SCP2: variants seen among roughly 807,000 people sequenced by gnomAD.
SCP2 encodes sterol carrier protein 2.
A neutral mutation model predicts 71.4 loss-of-function variants in SCP2; 48 were observed. The ratio of observed to expected loss-of-function variants is 0.67; its 90% CI spans 0.53 to 0.86. The LOEUF is 0.86. Ranked by LOEUF, SCP2 falls within the 40% of genes least tolerant of loss-of-function variation. The pLI is 0.00. For missense variants in SCP2, 560 were observed against 655.6 expected (o/e 0.85, Z 1.59); for synonymous variants, 220 against 218.1 (o/e 1.01, Z -0.08).
chr1:52,971,421 A>G (rs1657485809), intron 6 of SCP2, among the ~76,000 whole-genome samples: 1 of 152,234 alleles, frequency 6.6e-6, no homozygotes, highest in Non-Finnish European at 1.5e-5. Flanking sequence ...TTGAAATATA[A>G]ATGTACACTA....
chr1:53,033,249 G>A (rs866687893), intron 13 of SCP2, among the ~76,000 whole-genome samples: 2 of 152,150 alleles, frequency 1.3e-5, no homozygotes, highest in Non-Finnish European at 2.9e-5. Context: ...AAAATATTTA[G>A]TCCTAAGACC....
intron 12 of SCP2, among the ~76,000 whole-genome samples, chr1:53,023,695 G>A (rs1480671210): frequency 2.0e-5 from 3 of 152,130 alleles, no homozygotes; most frequent in Non-Finnish European, 4.4e-5. Context: ...CTGGACCCAG[G>A]GAGCAGCAGT....
intron 2 of SCP2, among the ~76,000 whole-genome samples, chr1:52,947,241 T>TAAAA (rs34249724): frequency 1.1e-4 from 6 of 54,404 alleles, no homozygotes; most frequent in Non-Finnish European, 1.7e-4. Flanking sequence ...ATGTTGTCCT[T>TAAAA]AAAAAAAAAA....
Position 52,988,085 on chromosome 1 carries a change from A to T in SCP2, c.1030A>T (p.Ile344Leu), listed in dbSNP as rs1245128841. 6.2e-7 allele frequency: 1 copy of T among 1,609,020 alleles called. No individual in the cohort carries two copies. Among genetic ancestry groups the T allele is most frequent in the South Asian group, 1.1e-5 (1 of 90,960 alleles). ...TAATACATATGGAGGAAAGTGGGTC[A>T]TAAATCCTAGTGGTGGACTGATTTC... ...GDNTYGGKWVINPSGGLISKG... is the reference protein window; with the variant it reads ...GDNTYGGKWVLNPSGGLISKG... The change falls in exon 11 of 16, where the codon ATA becomes TTA. Residue 344 changes from isoleucine (I) to leucine (L), a missense_variant. Coordinates refer to ENST00000371514, the MANE Select transcript of SCP2 (RefSeq NM_002979.5).
At chr1:52,965,915 G>C (rs914383000) in intron 6 of SCP2, among the ~76,000 whole-genome samples, 1 of 151,862 alleles carries the variant, frequency 6.6e-6, no homozygotes, top group Non-Finnish European at 1.5e-5. Flanking sequence ...CGAAGTGCTG[G>C]GATTACAGGT....
At chr1:53,021,377 C>T (rs567239113) in intron 12 of SCP2, among the ~76,000 whole-genome samples, 5 of 139,976 alleles carry the variant, frequency 3.6e-5, no homozygotes, top group Admixed American at 7.4e-5. Flanking sequence ...AGTGCAGTTG[C>T]GCAATCTTGG....
chr1:52,978,483 C>T (rs1427072399), intron 9 of SCP2, 116 bp downstream of exon 9: 30 of 846,048 alleles, frequency 3.5e-5, no homozygotes, highest in Non-Finnish European at 5.7e-5. Context: ...TGCTATTTGT[C>T]ATTATTTTAA....
intron 11 of SCP2, among the ~76,000 whole-genome samples, chr1:52,988,934 C>T (rs1659232933): frequency 6.6e-6 from 1 of 152,112 alleles, no homozygotes; most frequent in Admixed American, 6.5e-5. Flanking sequence ...TCAAGTGATC[C>T]ACCTGCCTCA....
chr1:52,963,677 A>T (rs1656681769), intron 6 of SCP2: 1 of 152,164 alleles, frequency 6.6e-6, no homozygotes, highest in Non-Finnish European at 1.5e-5. Context: ...TGCCTCACAC[A>T]TCTTAGATAT....
intron 5 of SCP2, among the ~76,000 whole-genome samples, chr1:52,960,472 C>CTA (rs1307444817): frequency 9.1e-6 from 1 of 109,524 alleles, no homozygotes; most frequent in African/African-American, 4.2e-5. Context: ...TGCCTGGCTA[C>CTA]TATGTATATG....
At chr1:53,033,015 C>T (rs1662665790) in intron 13 of SCP2, among the ~76,000 whole-genome samples, 1 of 151,914 alleles carries the variant, frequency 6.6e-6, no homozygotes, top group Non-Finnish European at 1.5e-5. Flanking sequence ...TAAGGGAAGC[C>T]AACATAAGAG....
chr1:53,005,148 A>G (rs1156396987), intron 11 of SCP2, among the ~76,000 whole-genome samples: 1 of 152,316 alleles, frequency 6.6e-6, no homozygotes, highest in East Asian at 1.9e-4. Context: ...GGTGGAGCCC[A>G]TCGCAGCTCA....
intron 11 of SCP2, among the ~76,000 whole-genome samples, chr1:53,008,896 A>C (rs185005520): frequency 9.8e-5 from 15 of 152,362 alleles, no homozygotes; most frequent in Non-Finnish European, 1.6e-4. Flanking sequence ...GTCTTAGCCC[A>C]AAATCTCCTT....
chr1:53,040,852 C>G (rs1663370534), intron 14 of SCP2, among the ~76,000 whole-genome samples: 1 of 152,220 alleles, frequency 6.6e-6, no homozygotes, highest in Admixed American at 6.5e-5. Context: ...CCATCTCTCT[C>G]ACTTGAATTG....
At chr1:53,001,459 TAC>T (rs928382113) in intron 11 of SCP2, among the ~76,000 whole-genome samples, 8 of 152,234 alleles carry the variant, frequency 5.3e-5, no homozygotes, top group Admixed American at 3.9e-4. Context: ...ATACAAACTC[TAC>T]CTTTGTTATT....
At chr1:52,956,591 C>T (rs949535509) in intron 5 of SCP2, among the ~76,000 whole-genome samples, 9 of 152,102 alleles carry the variant, frequency 5.9e-5, no homozygotes, top group Admixed American at 5.2e-4. Flanking sequence ...GGGAAATGAG[C>T]TCTTCCTAGA....
At chr1:52,976,216 G>C (rs947922426) in intron 7 of SCP2, among the ~76,000 whole-genome samples, 3 of 151,828 alleles carry the variant, frequency 2.0e-5, no homozygotes, top group Admixed American at 6.6e-5. Context: ...TTTTTTACTG[G>C]GGCTTCATTA....
rs377373908 is a variant in SCP2 at position 53,026,567 on chromosome 1, G to GGAGGCCAATGTGGGAGGATCGATT, written c.1236-1398_1236-1375dup. ...TCACATCTGTAATCTCAGCACCTTG[G>GGAGGCCAATGTGGGAGGATCGATT]GAGGCCAATGTGGGAGGATCGATTG... On this transcript the variant is annotated intron_variant, in intron 12 of 15. Coordinates refer to ENST00000371514, the MANE Select transcript of SCP2 (RefSeq NM_002979.5). 6.4e-3 allele frequency among the ~76,000 whole-genome samples: 970 copies of GGAGGCCAATGTGGGAGGATCGATT among 152,316 alleles called. 5 individuals are homozygous for GGAGGCCAATGTGGGAGGATCGATT. Among genetic ancestry groups the GGAGGCCAATGTGGGAGGATCGATT allele is most frequent in the Middle Eastern group, 0.01 (3 of 294 alleles).
chr1:52,929,380 G>T, intron 1 of SCP2, among the ~76,000 whole-genome samples: 1 of 151,700 alleles, frequency 6.6e-6, no homozygotes, highest in East Asian at 1.9e-4. Context: ...TAGAGACAGG[G>T]TCTCACTACT....
Sources: gnomAD v4.1 joint callset for allele counts (sites outside exome capture counted in the v4.1 genomes callset) on GRCh38, gnomAD v4.1.1 for gene constraint, MANE v1.5 for transcripts, NCBI Gene and HGNC (gene_info 2026-07-23, HGNC 2026-07-21) for gene names.